SLC4A7: variants seen among roughly 807,000 people sequenced by gnomAD.
SLC4A7 encodes the protein sodium bicarbonate cotransporter 3.
Under a neutral mutation model 137.6 loss-of-function variants are expected in SLC4A7, and 51 were observed. The observed-to-expected ratio is 0.37, with a 90% confidence interval of 0.30 to 0.47. The LOEUF (loss-of-function observed/expected upper bound fraction) is 0.47. Ranked by LOEUF, SLC4A7 falls within the 20% of genes least tolerant of loss-of-function variation. The pLI, the probability that SLC4A7 is intolerant of heterozygous loss-of-function variation, is 1.00. For synonymous variants in SLC4A7, 542 were observed against 518.6 expected (o/e 1.05, Z -0.61); for missense variants, 1,247 against 1,525.4 (o/e 0.82, Z 3.04).
At chr3:27,403,116 T>G in intron 15 of SLC4A7, 23 bp downstream of exon 15, 1 of 1,579,852 alleles carries the variant, frequency 6.3e-7, no homozygotes, top group Non-Finnish European at 8.6e-7. Flanking sequence ...ATTTTAATAT[T>G]AGGAGAAAAG....
intron 11 of SLC4A7, among the ~76,000 whole-genome samples, chr3:27,418,206 G>GA (rs767503412): frequency 2.6e-5 from 4 of 152,146 alleles, no homozygotes; most frequent in Admixed American, 2.6e-4. Flanking sequence ...ACTTTTATAT[G>GA]AAAAAAGCAA....
chr3:27,417,623 G>A (rs955641194), intron 11 of SLC4A7, among the ~76,000 whole-genome samples: 5 of 152,054 alleles, frequency 3.3e-5, no homozygotes, highest in Non-Finnish European at 1.5e-5. Context: ...GGCTGGTAGT[G>A]CACACCTGTG....
intron 14 of SLC4A7, among the ~76,000 whole-genome samples, chr3:27,404,501 C>T (rs1027110417): frequency 6.6e-6 from 1 of 152,024 alleles, no homozygotes; most frequent in Non-Finnish European, 1.5e-5. Context: ...ACACTTCACT[C>T]TGATTGCTTC....
intron 13 of SLC4A7, among the ~76,000 whole-genome samples, chr3:27,408,689 C>T (rs376075236): frequency 2.8e-4 from 43 of 152,184 alleles, no homozygotes; most frequent in African/African-American, 7.9e-4. Context: ...CAAAGAAATG[C>T]CTTTCAAGAT....
intron 16 of SLC4A7, among the ~76,000 whole-genome samples, chr3:27,400,188 C>T (rs1394207638): frequency 2.0e-5 from 3 of 152,240 alleles, no homozygotes; most frequent in Non-Finnish European, 4.4e-5. Context: ...ACTCCCCCAA[C>T]AGAACACAAA....
intron 11 of SLC4A7, among the ~76,000 whole-genome samples, chr3:27,416,647 G>A (rs2150258825): frequency 6.6e-6 from 1 of 152,156 alleles, no homozygotes; most frequent in East Asian, 1.9e-4. Flanking sequence ...GAACTGCACA[G>A]TTCAAACTCA....
chr3:27,473,535 T>TG (rs2059339221), intron 1 of SLC4A7, among the ~76,000 whole-genome samples: 1 of 151,504 alleles, frequency 6.6e-6, no homozygotes, highest in South Asian at 2.1e-4. Context: ...CTGGGCAACA[T>TG]GGCAAAACCA....
At chr3:27,426,544 AG>A (rs1276412830) in intron 7 of SLC4A7, among the ~76,000 whole-genome samples, 4 of 152,196 alleles carry the variant, frequency 2.6e-5, no homozygotes, top group African/African-American at 9.7e-5. Context: ...CATAACGCAC[AG>A]TTTTCCAGAA....
intron 1 of SLC4A7, among the ~76,000 whole-genome samples, chr3:27,473,393 T>TAAA (rs2059332811): frequency 6.6e-6 from 1 of 152,110 alleles, no homozygotes; most frequent in Non-Finnish European, 1.5e-5. Context: ...ATTCCTACTT[T>TAAA]AACGACCCCT....
chr3:27,384,250 G>A (rs1373254026), intron 23 of SLC4A7, among the ~76,000 whole-genome samples: 1 of 152,146 alleles, frequency 6.6e-6, no homozygotes, highest in Admixed American at 6.5e-5. Flanking sequence ...ATCATGAGGT[G>A]CAAGTAGAAC....
At chr3:27,462,126 A>C (rs1360045728) in intron 1 of SLC4A7, among the ~76,000 whole-genome samples, 1 of 152,198 alleles carries the variant, frequency 6.6e-6, no homozygotes, top group Non-Finnish European at 1.5e-5. Context: ...TTCTTTCCAT[A>C]AATTTTTTTA....
At chr3:27,455,570 A>ATTTTTTTT (rs780026916) in intron 1 of SLC4A7, among the ~76,000 whole-genome samples, 1 of 125,362 alleles carries the variant, frequency 8.0e-6, no homozygotes, top group African/African-American at 3.0e-5. Flanking sequence ...GCATAACTAA[A>ATTTTTTTT]TTTTTTTTTT....
chr3:27,471,867 T>C (rs1472298950), intron 1 of SLC4A7, among the ~76,000 whole-genome samples: 1 of 152,242 alleles, frequency 6.6e-6, no homozygotes, highest in Non-Finnish European at 1.5e-5. Context: ...AACAAAAATT[T>C]GTTAGCCCAT....
chr3:27,484,100 C>T lies in SLC4A7; in HGVS notation c.27G>A (p.Gln9=). The T allele has an allele frequency of 2.1e-6, 3 of 1,401,916 alleles. No homozygotes were observed. Among genetic ancestry groups the T allele is most frequent in the Non-Finnish European group, 2.8e-6 (3 of 1,073,088 alleles). 86.8% of individuals were successfully genotyped at this position (1,401,916 alleles called of 1,614,324 possible). The change falls in exon 1 of 26, where the codon CAG becomes CAA. Residue 9 remains glutamine, a synonymous_variant. Transcript: ENST00000454389. ...TTACCCGGGTGAGTAGCGGTCTCAT[C>T]TGCTCGCCGGCCCCATCAGCCTCCA... is the stretch of plus-strand genomic sequence containing the variant. MEADGAGE[Q]MRPLLTRVTS... is the part of the protein sequence containing the mutation.
At chr3:27,465,180 C>A (rs1310666395) in intron 1 of SLC4A7, among the ~76,000 whole-genome samples, 2 of 150,848 alleles carry the variant, frequency 1.3e-5, no homozygotes, top group African/African-American at 2.4e-5. Context: ...TCCCAGCCAC[C>A]CGGGAGGCTG....
At chr3:27,482,287 C>A (rs1455651450) in intron 1 of SLC4A7, among the ~76,000 whole-genome samples, 9 of 152,180 alleles carry the variant, frequency 5.9e-5, no homozygotes, top group Non-Finnish European at 8.8e-5. Flanking sequence ...ATGGCCTTAT[C>A]ACATGCTTTC....
intron 13 of SLC4A7, among the ~76,000 whole-genome samples, chr3:27,408,436 G>C (rs1035359232): frequency 2.4e-4 from 37 of 152,114 alleles, no homozygotes; most frequent in African/African-American, 8.5e-4. Flanking sequence ...AAGGTAAAAA[G>C]ATTTTACATA....
chr3:27,400,228 G>A (rs2052611946), intron 16 of SLC4A7, among the ~76,000 whole-genome samples: 1 of 152,156 alleles, frequency 6.6e-6, no homozygotes, highest in African/African-American at 2.4e-5. Flanking sequence ...CACACAGTAG[G>A]TGTTCATTAC....
rs141197105 is a variant in SLC4A7 at position 27,383,756 on chromosome 3, T to C, written c.3493-506A>G. On this transcript the variant is annotated intron_variant, in intron 23 of 25. Transcript: ENST00000454389. ...ATGCCAGTAGCAGCCCCTCCAGTTA[T>C]AACAATCAAAAATATCTCAGAAATT... is the stretch of plus-strand genomic sequence containing the variant. Among the ~76,000 whole-genome samples, 152 of 152,276 alleles carry C rather than the reference T, an allele frequency of 1.0e-3. 4 individuals are homozygous for C. The South Asian group carries it at 0.014, about 14-fold the overall frequency.
Sources: gnomAD v4.1 joint callset for allele counts (sites outside exome capture counted in the v4.1 genomes callset) on GRCh38, gnomAD v4.1.1 for gene constraint, MANE v1.5 for transcripts, NCBI Gene and HGNC (gene_info 2026-07-23, HGNC 2026-07-21) for gene names.